Variants in GNB5 observed in about 807,000 individuals in gnomAD.
GNB5 encodes guanine nucleotide-binding protein subunit beta-5.
GNB5 carries 37 observed loss-of-function variants against 55.3 expected under a neutral mutation model. That is an observed-to-expected ratio of 0.67 (90% CI 0.51 to 0.88). The LOEUF (loss-of-function observed/expected upper bound fraction) is 0.88, where lower values mean the gene tolerates loss of function less well. GNB5 is among the 40% of genes least tolerant of loss of function. GNB5 has a pLI of 0.00. For missense variants in GNB5, 476 were observed against 515.3 expected, an observed-to-expected ratio of 0.92 and a Z score of 0.74; for synonymous variants, 219 against 198.5, an observed-to-expected ratio of 1.10 and a Z score of -0.87.
In GNB5 at chr15:52,180,076, G is replaced by C. The variant is rs7172037; in HGVS notation, c.127-197C>G. ...GCACCTGGGCGCGCGCTCTGGCGCAGTGCCTGGTGCGATGTCCGCGTCAGC... is the reference window on the plus strand; with the variant it reads ...GCACCTGGGCGCGCGCTCTGGCGCACTGCCTGGTGCGATGTCCGCGTCAGC... On this transcript the variant is annotated intron_variant, in intron 2 of 12. Transcript: ENST00000261837. 0.17 allele frequency: 89,918 copies of C among 531,916 alleles called. 7,946 individuals are homozygous for C. Among genetic ancestry groups the C allele is most frequent in the Admixed American group, 0.28 (5,792 of 20,574 alleles). The allele number at this position is 531,916 out of a possible 1,614,324, so 32.9% of individuals were successfully genotyped here.
In GNB5 at chr15:52,184,970, C is replaced by T. The variant is rs528355609; in HGVS notation, c.-18-276G>A. Among the ~76,000 whole-genome samples, 22 of 152,350 alleles carry T rather than the reference C, an allele frequency of 1.4e-4. 1 individual carries two copies. The highest frequency in any genetic ancestry group is 1.1e-3 in the Admixed American group (17 of 15,308). ...AGACCTGCGTCAGGCAGGATTGATC[C>T]TTGCAGCACAATATCAATTCTGTGG... On this transcript the variant is annotated intron_variant, in intron 1 of 12. Transcript: ENST00000261837.
chr15:52,149,831 A>C (rs1361432794), intron 5 of GNB5, 53 bp downstream of exon 5: 2 of 1,374,022 alleles, frequency 1.5e-6, no homozygotes, highest in East Asian at 2.3e-5. Context: ...GAGCACCTTT[A>C]AGTAGGCTGG....
chr15:52,171,186 A>G (rs997107790), intron 3 of GNB5, among the ~76,000 whole-genome samples: 4 of 152,036 alleles, frequency 2.6e-5, no homozygotes, highest in Non-Finnish European at 5.9e-5. Context: ...TTATGGGACC[A>G]TCTTTAAGAT....
intron 3 of GNB5, among the ~76,000 whole-genome samples, chr15:52,163,492 G>C (rs71472925): frequency 1.3e-5 from 2 of 152,356 alleles, no homozygotes; most frequent in East Asian, 3.9e-4. Flanking sequence ...GAGCTGGGTG[G>C]ACGTGTAGGA....
chr15:52,137,284 G>A, intron 7 of GNB5: 2 of 1,139,654 alleles, frequency 1.8e-6, no homozygotes, highest in South Asian at 3.9e-5. Context: ...CATGAGAAGT[G>A]CTGGGATCCA....
chr15:52,150,519 G>A (rs775834422), intron 4 of GNB5, among the ~76,000 whole-genome samples: 14 of 152,174 alleles, frequency 9.2e-5, no homozygotes, highest in Non-Finnish European at 1.5e-4. Flanking sequence ...AGATGTCACA[G>A]CTCCAGCTCT....
Position 52,122,747 on chromosome 15 carries a change from CAGA to C in GNB5, c.*7_*9del. Reference sequence around the variant, plus strand: ...TCTCAGGTATACATGAGTGCACTGTCAGAAGATGATTAGGCCCAGACCTGTGAA... The same window carrying C: ...TCTCAGGTATACATGAGTGCACTGTCAGATGATTAGGCCCAGACCTGTGAA... On this transcript the variant is annotated 3_prime_UTR_variant, in exon 13 of 13. Transcript: ENST00000261837. The C allele has an allele frequency of 1.3e-6, 2 of 1,594,660 alleles. No individual in the cohort carries two copies. The highest frequency in any genetic ancestry group is 1.7e-6 in the Non-Finnish European group (2 of 1,162,244).
chr15:52,124,752 A>T (rs2033377698), intron 11 of GNB5, 113 bp from the exon 12 acceptor site: 1 of 873,204 alleles, frequency 1.1e-6, no homozygotes, highest in Admixed American at 2.1e-5. Context: ...ACTGAGTCCT[A>T]GGCACTGTGC....
intron 3 of GNB5, among the ~76,000 whole-genome samples, chr15:52,160,133 A>G (rs1285355409): frequency 6.6e-6 from 1 of 151,954 alleles, no homozygotes; most frequent in African/African-American, 2.4e-5. Context: ...TTTTTAGTAG[A>G]GATGGGGTTG....
intron 10 of GNB5, among the ~76,000 whole-genome samples, chr15:52,127,832 G>C (rs767240133): frequency 6.7e-6 from 1 of 150,128 alleles, no homozygotes; most frequent in Non-Finnish European, 1.5e-5. Flanking sequence ...AAAAAACCTT[G>C]AGAAAAGCCA....
chr15:52,139,778 T>A lies in GNB5; in HGVS notation c.627+1362A>T, dbSNP rs866471411. On this transcript the variant is annotated intron_variant, in intron 7 of 12. Coordinates refer to ENST00000261837, the MANE Select transcript of GNB5 (RefSeq NM_016194.4). ...GCTGTGACTTCCCTTTATCTCCGGC[T>A]AAGCTGCTTGTTGGAAAAGAAAGCA... is the stretch of plus-strand genomic sequence containing the variant. 79 of 1,224,650 alleles carry A rather than the reference T, an allele frequency of 6.5e-5. No individual in the cohort carries two copies. In the African/African-American group the frequency reaches 1.0e-3, roughly 16 times the overall value. 75.9% of individuals were successfully genotyped at this position (1,224,650 alleles called of 1,614,324 possible). A position where few individuals can be genotyped will look rare whatever the true frequency, so the allele number is the denominator to read the frequency against.
intron 3 of GNB5, among the ~76,000 whole-genome samples, chr15:52,172,216 C>T (rs1310788413): frequency 6.6e-6 from 1 of 152,170 alleles, no homozygotes; most frequent in Non-Finnish European, 1.5e-5. Flanking sequence ...TCTTTGCAGT[C>T]TCAACCTCCT....
chr15:52,189,046 A>G (rs1049915968), intron 1 of GNB5, among the ~76,000 whole-genome samples: 3 of 152,212 alleles, frequency 2.0e-5, no homozygotes, highest in Non-Finnish European at 4.4e-5. Flanking sequence ...GAGTGTCATA[A>G]TTTATTAAAC....
chr15:52,122,872 A>T (rs1302230705), intron 12 of GNB5, 104 bp from the exon 13 acceptor site: 2 of 822,504 alleles, frequency 2.4e-6, no homozygotes, highest in African/African-American at 3.6e-5. Context: ...ATGCATGGGC[A>T]TACATATATG....
rs923460115 is a variant in GNB5, at chr15:52,135,661, G to A, written c.723C>T (p.Leu241=). The change falls in exon 8 of 13, where the codon CTC becomes CTT. Residue 241 remains leucine, a synonymous_variant. Transcript: ENST00000261837. ...QSFHGHGADV[L]CLDLAPSETG... Reference sequence around the variant, plus strand: ...TTTCTGAGGGGGCCAGGTCCAAGCAGAGGACGTCAGCCCCATGTCCGTGGA... The same window carrying A: ...TTTCTGAGGGGGCCAGGTCCAAGCAAAGGACGTCAGCCCCATGTCCGTGGA... 3.1e-6 allele frequency: 5 copies of A among 1,613,584 alleles called. No homozygotes were observed. Among genetic ancestry groups the A allele is most frequent in the African/African-American group, 2.7e-5 (2 of 74,878 alleles).
intron 10 of GNB5, 114 bp downstream of exon 10, chr15:52,128,082 T>A (rs2033473445): frequency 4.8e-6 from 3 of 627,630 alleles, no homozygotes; most frequent in East Asian, 5.8e-5. Context: ...TCCCCTAAAT[T>A]TTCTTTATTG....
rs78944551 is a variant in GNB5 at position 52,137,929 on chromosome 15, G to A, written c.628-2173C>T. 2.0e-3 allele frequency: 2,573 copies of A among 1,287,112 alleles called. 16 individuals are homozygous for A. Among genetic ancestry groups the A allele is most frequent in the African/African-American group, 0.017 (1,146 of 65,888 alleles). The allele number at this position is 1,287,112 out of a possible 1,614,324, so 79.7% of individuals were successfully genotyped here. ...AAGTGTCCACAAGAGAGCCCTTTGC[G>A]GATGATTACTGATGGCTGAGGAAAG... On this transcript the variant is annotated intron_variant, in intron 7 of 12. Transcript: ENST00000261837.
chr15:52,130,092 G>A lies in GNB5; in HGVS notation c.864-1848C>T, dbSNP rs181196522. ...CATGGTGGTAGGCCAGTGGGGGCAG[G>A]AGACTGAGCACCATCCTAGGAAATG... On this transcript the variant is annotated intron_variant, in intron 9 of 12. Transcript: ENST00000261837. 1.8e-4 allele frequency among the ~76,000 whole-genome samples: 27 copies of A among 152,298 alleles called. No individual in the cohort carries two copies. The East Asian group carries it at 3.7e-3, about 21-fold the overall frequency.
rs1441037094 is a variant in GNB5, at chr15:52,120,164, C to T, written c.*2593G>A. ...GCCCAAGGCTCTACACCCCTGGGGGCCCATCTGTTTGGCCCCTTCACCACA... is the reference window on the plus strand; with the variant it reads ...GCCCAAGGCTCTACACCCCTGGGGGTCCATCTGTTTGGCCCCTTCACCACA... On this transcript the variant is annotated 3_prime_UTR_variant, in exon 13 of 13. Transcript: ENST00000261837. The T allele has an allele frequency of 6.6e-6, 1 of 152,182 alleles. No homozygotes were observed. Among genetic ancestry groups the T allele is most frequent in the Non-Finnish European group, 1.5e-5 (1 of 68,044 alleles). 9.4% of individuals were successfully genotyped at this position (152,182 alleles called of 1,614,324 possible).
Sources: allele counts gnomAD v4.1 joint callset (sites outside exome capture counted in the v4.1 genomes callset), GRCh38; gene constraint gnomAD v4.1.1; transcripts MANE v1.5; gene names NCBI Gene and HGNC (gene_info 2026-07-23, HGNC 2026-07-21).